PTPRD: variants seen among roughly 807,000 people sequenced by gnomAD.
PTPRD encodes receptor-type tyrosine-protein phosphatase delta.
A neutral mutation model predicts 214.5 loss-of-function variants in PTPRD; 34 were observed. The observed-to-expected ratio is 0.16, with a 90% confidence interval of 0.12 to 0.21. PTPRD has a LOEUF of 0.21. PTPRD is among the 10% of genes least tolerant of loss of function. PTPRD has a pLI of 1.00. For missense variants in PTPRD, 2,545 were observed against 2,398.7 expected, an observed-to-expected ratio of 1.06 and a Z score of -1.27; for synonymous variants, 1,128 against 845.7, an observed-to-expected ratio of 1.33 and a Z score of -5.79.
intron 2 of PTPRD, among the ~76,000 whole-genome samples, chr9:10,371,268 T>C (rs1046600979): frequency 6.6e-6 from 1 of 152,016 alleles, no homozygotes; most frequent in Non-Finnish European, 1.5e-5. Context: ...CTGTCTTCCA[T>C]GCAACCAATA....
chr9:9,315,289 G>C (rs912222691), intron 9 of PTPRD, among the ~76,000 whole-genome samples: 1 of 151,832 alleles, frequency 6.6e-6, no homozygotes, highest in Non-Finnish European at 1.5e-5. Context: ...AATTAAAAGG[G>C]GAGTTACAAC....
chr9:10,184,041 T>C (rs1024295112), intron 3 of PTPRD, among the ~76,000 whole-genome samples: 3 of 152,232 alleles, frequency 2.0e-5, no homozygotes, highest in Non-Finnish European at 4.4e-5. Flanking sequence ...CTAAAGGTAT[T>C]TTTCCACTAT....
At chr9:8,710,993 G>A (rs1324536156) in intron 12 of PTPRD, among the ~76,000 whole-genome samples, 2 of 151,968 alleles carry the variant, frequency 1.3e-5, no homozygotes, top group African/African-American at 4.8e-5. Context: ...TAAACTCCAT[G>A]TGTTCTTATG....
intron 3 of PTPRD, among the ~76,000 whole-genome samples, chr9:10,253,084 C>T (rs573521329): frequency 1.7e-4 from 26 of 152,150 alleles, no homozygotes; most frequent in African/African-American, 6.0e-4. Context: ...TGCCTGGCCA[C>T]GTATTTTATT....
intron 9 of PTPRD, among the ~76,000 whole-genome samples, chr9:9,198,295 C>T (rs2099939830): frequency 1.3e-5 from 2 of 151,770 alleles, no homozygotes; most frequent in Non-Finnish European, 2.9e-5. Context: ...ACCATAAAAT[C>T]AAACCAAACT....
At chr9:9,769,559 C>T (rs988682470) in intron 5 of PTPRD, among the ~76,000 whole-genome samples, 8 of 151,838 alleles carry the variant, frequency 5.3e-5, no homozygotes, top group Non-Finnish European at 1.0e-4. Context: ...ATCTCCTGAC[C>T]TCGTGATCCG....
chr9:8,426,873 A>C (rs925040366), intron 35 of PTPRD, among the ~76,000 whole-genome samples: 2 of 151,954 alleles, frequency 1.3e-5, no homozygotes, highest in Admixed American at 1.3e-4. Context: ...TTGGAACTTG[A>C]GAAATTACTT....
At chr9:8,800,770 G>A (rs1450535161) in intron 11 of PTPRD, among the ~76,000 whole-genome samples, 5 of 152,116 alleles carry the variant, frequency 3.3e-5, no homozygotes, top group Admixed American at 1.3e-4. Context: ...ATGGACTCGC[G>A]CTGAATTCTT....
intron 7 of PTPRD, among the ~76,000 whole-genome samples, chr9:9,673,421 TC>T (rs2096867802): frequency 6.6e-6 from 1 of 151,694 alleles, no homozygotes; most frequent in Non-Finnish European, 1.5e-5. Flanking sequence ...AGGATAAACT[TC>T]CCATAGTAAG....
At chr9:9,485,023 G>A (rs777291843) in intron 8 of PTPRD, among the ~76,000 whole-genome samples, 1 of 152,180 alleles carries the variant, frequency 6.6e-6, no homozygotes, top group Non-Finnish European at 1.5e-5. Flanking sequence ...GCTTTTAACT[G>A]TAAATGTCAC....
chr9:8,789,175 C>T (rs1395406177), intron 11 of PTPRD, among the ~76,000 whole-genome samples: 1 of 152,036 alleles, frequency 6.6e-6, no homozygotes, highest in Non-Finnish European at 1.5e-5. Flanking sequence ...TAAAGGCACC[C>T]CGAGACACAG....
At chr9:9,842,740 G>A (rs996089215) in intron 5 of PTPRD, among the ~76,000 whole-genome samples, 3 of 149,686 alleles carry the variant, frequency 2.0e-5, no homozygotes, top group Admixed American at 6.7e-5. Context: ...ATTCATCAGT[G>A]TTGTGCTTCA....
At chr9:9,903,067 T>A (rs953787780) in intron 5 of PTPRD, among the ~76,000 whole-genome samples, 1 of 135,450 alleles carries the variant, frequency 7.4e-6, no homozygotes, top group African/African-American at 3.0e-5. Flanking sequence ...ATATGTGTAT[T>A]TGAGCTAAAG....
At chr9:8,495,036 T>C (rs370973764) in intron 26 of PTPRD, among the ~76,000 whole-genome samples, 2 of 151,314 alleles carry the variant, frequency 1.3e-5, no homozygotes, top group Admixed American at 6.6e-5. Flanking sequence ...TTCTCTAATC[T>C]TAAAAAAGAA....
At position 10,118,199 on chromosome 9, in the gene PTPRD, T is replaced by TCTATCTAC. The variant is rs1432985446; in HGVS notation, c.-544-84410_-544-84409insGTAGATAG. On this transcript the variant is annotated intron_variant, in intron 3 of 45. Transcript: ENST00000381196. ...TGAAGGAAACTTCTCACATTTATTA[T>TCTATCTAC]CTATCTATCTATCTATCTATCTATC... Among the ~76,000 whole-genome samples the TCTATCTAC allele has an allele frequency of 3.0e-5, 3 of 99,736 alleles. No homozygotes were observed. The South Asian group carries it at 9.2e-4, about 31-fold the overall frequency. 65.4% of individuals were successfully genotyped at this position (99,736 alleles called of 152,430 possible).
At chr9:9,458,301 A>G (rs144169468) in intron 8 of PTPRD, among the ~76,000 whole-genome samples, 1,850 of 152,208 alleles carry the variant, frequency 0.012, 29 homozygotes, top group African/African-American at 0.042. Context: ...TATAAAGAAA[A>G]TAAAAATGTT....
At chr9:8,418,799 C>G (rs1427562700) in intron 35 of PTPRD, among the ~76,000 whole-genome samples, 2 of 151,944 alleles carry the variant, frequency 1.3e-5, no homozygotes, top group Non-Finnish European at 2.9e-5. Context: ...CTGAAAATAA[C>G]CCATTGGCTA....
chr9:9,802,326 A>G (rs2099046125), intron 5 of PTPRD, among the ~76,000 whole-genome samples: 1 of 151,924 alleles, frequency 6.6e-6, no homozygotes. Flanking sequence ...TATTCTTAGC[A>G]ATTGTATAAA....
At chr9:10,320,077 CAT>C (rs759304772) in intron 3 of PTPRD, among the ~76,000 whole-genome samples, 4 of 152,028 alleles carry the variant, frequency 2.6e-5, no homozygotes, top group South Asian at 2.1e-4. Context: ...AAAATCTTTA[CAT>C]GTTATAGATT....
Sources: gnomAD v4.1 joint callset for allele counts (sites outside exome capture counted in the v4.1 genomes callset) on GRCh38, gnomAD v4.1.1 for gene constraint, MANE v1.5 for transcripts, NCBI Gene and HGNC (gene_info 2026-07-23, HGNC 2026-07-21) for gene names.